Variants in SLC8A1 observed in about 807,000 individuals in gnomAD.
SLC8A1 encodes the protein sodium/calcium exchanger 1.
SLC8A1 carries 18 observed loss-of-function variants against 68.3 expected under a neutral mutation model. The ratio of observed to expected loss-of-function variants is 0.26; its 90% CI spans 0.18 to 0.39. The LOEUF (loss-of-function observed/expected upper bound fraction) is 0.39. Among genes scored for constraint, SLC8A1 ranks in the 10% least tolerant of loss-of-function variants. The probability of loss-of-function intolerance (pLI) is 1.00; values close to 1 mark genes in which losing one functional copy is unlikely to be tolerated. For synonymous variants in SLC8A1, 475 were observed against 415.5 expected (o/e 1.14, Z -1.74); for missense variants, 985 against 1,156.7 (o/e 0.85, Z 2.15).
At chr2:40,142,142 T>A (rs1308499135) in intron 6 of SLC8A1, among the ~76,000 whole-genome samples, 1 of 152,236 alleles carries the variant, frequency 6.6e-6, no homozygotes, top group African/African-American at 2.4e-5. Flanking sequence ...TTCTATTACC[T>A]ACTCTTTTTT....
intron 2 of SLC8A1, among the ~76,000 whole-genome samples, chr2:40,210,647 A>C (rs2056412435): frequency 6.6e-6 from 1 of 152,208 alleles, no homozygotes; most frequent in African/African-American, 2.4e-5. Flanking sequence ...TAAATCTGAA[A>C]TGCAAATGAA....
rs114818468 is a variant in SLC8A1 at position 40,485,448 on chromosome 2, G to A, written c.-25+26901C>T. Among the ~76,000 whole-genome samples the A allele has an allele frequency of 8.1e-3, 1,231 of 152,142 alleles. 12 individuals are homozygous for A. The highest frequency in any genetic ancestry group is 0.028 in the African/African-American group (1,174 of 41,494). ...TAAAAGCAACATGCTTTTTCCTTCC[G>A]CTATTCTTTTAAGACTATTCCCTAT... On this transcript the variant is annotated intron_variant, in intron 1 of 7. Transcript: ENST00000402441.
intron 2 of SLC8A1, among the ~76,000 whole-genome samples, chr2:40,300,590 C>T (rs181921108): frequency 6.6e-6 from 1 of 152,272 alleles, no homozygotes; most frequent in Non-Finnish European, 1.5e-5. Context: ...CTTCTGACCC[C>T]AGGAATTCTC....
intron 2 of SLC8A1, among the ~76,000 whole-genome samples, chr2:40,421,431 C>T (rs1695479172): frequency 6.6e-6 from 1 of 152,122 alleles, no homozygotes; most frequent in African/African-American, 2.4e-5. Flanking sequence ...GCCTTGGTTT[C>T]AAGGGTCACC....
intron 2 of SLC8A1, among the ~76,000 whole-genome samples, chr2:40,413,116 G>A (rs943600670): frequency 5.9e-5 from 9 of 152,258 alleles, no homozygotes; most frequent in East Asian, 1.9e-4. Context: ...GTGCTGGAGA[G>A]GATGTGGAGA....
chr2:40,429,692 T>C, exon 2 of SLC8A1: 1 of 1,613,852 alleles, frequency 6.2e-7, no homozygotes, highest in Non-Finnish European at 8.5e-7. Flanking sequence ...TGCTTAATCT[T>C]CCTTGTCTCT....
chr2:40,207,895 A>G (rs1170280132), intron 2 of SLC8A1, among the ~76,000 whole-genome samples: 1 of 152,074 alleles, frequency 6.6e-6, no homozygotes, highest in Non-Finnish European at 1.5e-5. Flanking sequence ...TAAGGCACCA[A>G]AATATGTGCT....
intron 1 of SLC8A1, among the ~76,000 whole-genome samples, chr2:40,484,904 G>C (rs943632744): frequency 2.0e-5 from 3 of 152,186 alleles, no homozygotes; most frequent in Admixed American, 6.5e-5. Flanking sequence ...AAGCCAGAGA[G>C]ATATGCATTG....
chr2:40,118,002 C>T lies in SLC8A1; in HGVS notation c.2438-2373G>A, dbSNP rs1026115397. On this transcript the variant is annotated intron_variant, in intron 7 of 7. Coordinates refer to ENST00000406785, the Ensembl canonical transcript of SLC8A1. ...GCCTATCATCAATTCTGCCCTCTGC[C>T]TGTGATGAAAAGCAGATCTGATTAT... Among the ~76,000 whole-genome samples, 9 of 152,292 alleles carry T rather than the reference C, an allele frequency of 5.9e-5. No individual in the cohort carries two copies. In the South Asian group the frequency reaches 1.7e-3, roughly 28 times the overall value.
At chr2:40,448,815 C>T (rs1454327393) in intron 1 of SLC8A1, among the ~76,000 whole-genome samples, 2 of 151,974 alleles carry the variant, frequency 1.3e-5, no homozygotes, top group Admixed American at 1.3e-4. Context: ...TAGCAAAACA[C>T]ATTTATCCTT....
chr2:40,316,211 C>T lies in SLC8A1; in HGVS notation c.1808+112262G>A, dbSNP rs575281893. 2.7e-3 allele frequency among the ~76,000 whole-genome samples: 404 copies of T among 152,154 alleles called. 1 individual carries two copies. The highest frequency in any genetic ancestry group is 4.9e-3 in the Non-Finnish European group (334 of 67,960). On this transcript the variant is annotated intron_variant, in intron 2 of 7. Coordinates refer to ENST00000406785, the Ensembl canonical transcript of SLC8A1. ...GTTTATAAGCCTGGATCCAATCACA[C>T]TGATATCATTCTGGACTCAACTGTC...
At chr2:40,125,489 C>T (rs1180526493) in intron 7 of SLC8A1, among the ~76,000 whole-genome samples, 1 of 152,148 alleles carries the variant, frequency 6.6e-6, no homozygotes, top group Admixed American at 6.5e-5. Context: ...CCCACCTACT[C>T]GTGTTAAGCA....
chr2:40,195,155 C>T (rs2052716202), intron 2 of SLC8A1, among the ~76,000 whole-genome samples: 1 of 151,964 alleles, frequency 6.6e-6, no homozygotes, highest in Non-Finnish European at 1.5e-5. Flanking sequence ...CACAGGGAAG[C>T]AAAAACCAGT....
rs190267744 is a variant in SLC8A1, at chr2:40,117,356, C to G, written c.2438-1727G>C. ...GGTTAGGAGTTCGAGACCAGTTTGG[C>G]CAACATGGTGAAACCCTGTCTATAT... On this transcript the variant is annotated intron_variant, in intron 7 of 7. Coordinates refer to ENST00000406785, the Ensembl canonical transcript of SLC8A1. 1.1e-3 allele frequency among the ~76,000 whole-genome samples: 147 copies of G among 132,234 alleles called. 1 individual carries two copies. Among genetic ancestry groups the G allele is most frequent in the Admixed American group, 5.2e-3 (57 of 10,944 alleles). The allele number at this position is 132,234 out of a possible 152,430, so 86.8% of individuals were successfully genotyped here.
At chr2:40,152,938 C>CAGT (rs75246402) in intron 6 of SLC8A1, among the ~76,000 whole-genome samples, 58,225 of 151,634 alleles carry the variant, frequency 0.38, 12,675 homozygotes, top group Middle Eastern at 0.53. Context: ...TGTGCCACTG[C>CAGT]AGTCCAGCCT....
intron 2 of SLC8A1, among the ~76,000 whole-genome samples, chr2:40,339,244 C>A (rs955195570): frequency 6.6e-6 from 1 of 152,218 alleles, no homozygotes; most frequent in African/African-American, 2.4e-5. Context: ...TTGCAGCCTG[C>A]ATATGCTTCA....
intron 2 of SLC8A1, among the ~76,000 whole-genome samples, chr2:40,256,038 A>G (rs1396969475): frequency 6.6e-6 from 1 of 152,204 alleles, no homozygotes; most frequent in Admixed American, 6.5e-5. Flanking sequence ...CTAGTGCTGT[A>G]TGGGAACTCA....
intron 2 of SLC8A1, among the ~76,000 whole-genome samples, chr2:40,215,408 C>A (rs929073664): frequency 2.0e-5 from 3 of 151,830 alleles, no homozygotes; most frequent in African/African-American, 7.3e-5. Context: ...GAGGCCGAGG[C>A]GGGTGGATCA....
intron 2 of SLC8A1, among the ~76,000 whole-genome samples, chr2:40,379,688 C>G (rs1241444447): frequency 6.6e-6 from 1 of 151,852 alleles, no homozygotes; most frequent in Non-Finnish European, 1.5e-5. Flanking sequence ...TACCGCATCA[C>G]CATCACCTTT....
Sources: allele counts gnomAD v4.1 joint callset (sites outside exome capture counted in the v4.1 genomes callset), GRCh38; gene constraint gnomAD v4.1.1; transcripts MANE v1.5; gene names NCBI Gene and HGNC (gene_info 2026-07-23, HGNC 2026-07-21).